SLC49A4: variants seen among roughly 807,000 people sequenced by gnomAD.
SLC49A4 encodes the protein disrupted in renal cancer protein 2.
In SLC49A4, 36 loss-of-function variants were observed where a neutral mutation model predicts 50.6. That is an observed-to-expected ratio of 0.71 (90% CI 0.55 to 0.94). SLC49A4 has a LOEUF of 0.94. Ranked by LOEUF, SLC49A4 falls within the 40% of genes least tolerant of loss-of-function variation. SLC49A4 has a pLI of 0.00. For synonymous variants in SLC49A4, 248 were observed against 241.2 expected, an observed-to-expected ratio of 1.03 and a Z score of -0.26; for missense variants, 503 against 605.7, an observed-to-expected ratio of 0.83 and a Z score of 1.78.
intron 8 of SLC49A4, among the ~76,000 whole-genome samples, chr3:122,877,965 A>G (rs936339367): frequency 6.6e-6 from 1 of 152,208 alleles, no homozygotes; most frequent in Non-Finnish European, 1.5e-5. Flanking sequence ...ATAGAATAGC[A>G]TGTCTGACTT....
intron 2 of SLC49A4, among the ~76,000 whole-genome samples, chr3:122,819,811 A>G (rs1181029992): frequency 1.3e-5 from 2 of 152,100 alleles, no homozygotes; most frequent in Admixed American, 6.5e-5. Flanking sequence ...AAAAAATCCT[A>G]TAAACACATG....
At chr3:122,827,561 T>C (rs1227397327) in intron 3 of SLC49A4, among the ~76,000 whole-genome samples, 1 of 152,248 alleles carries the variant, frequency 6.6e-6, no homozygotes, top group Non-Finnish European at 1.5e-5. Context: ...TTATCAGGGA[T>C]ACTGACCTTT....
At chr3:122,809,909 T>C (rs2107558434) in intron 2 of SLC49A4, among the ~76,000 whole-genome samples, 1 of 152,330 alleles carries the variant, frequency 6.6e-6, no homozygotes, top group South Asian at 2.1e-4. Flanking sequence ...AAGCATATCT[T>C]TTAAGCAGTG....
At chr3:122,844,001 C>T (rs1343226564) in intron 4 of SLC49A4, among the ~76,000 whole-genome samples, 2 of 152,182 alleles carry the variant, frequency 1.3e-5, no homozygotes, top group East Asian at 1.9e-4. Context: ...CAGATTGCCT[C>T]CAATTTATTG....
chr3:122,866,712 C>G (rs1053261992), intron 7 of SLC49A4, among the ~76,000 whole-genome samples: 11 of 152,120 alleles, frequency 7.2e-5, no homozygotes, highest in Non-Finnish European at 1.3e-4. Context: ...ACCATCCCCC[C>G]CTGCCCCCGA....
At position 122,872,380 on chromosome 3, in the gene SLC49A4, AGTGTGAAACTAAAATGTTT is replaced by A. The variant is rs1560242995; in HGVS notation, c.1139-30_1139-12del. On this transcript the variant is annotated splice_polypyrimidine_tract_variant and intron_variant, in intron 7 of 8. Transcript: ENST00000261038. ...CTATCTGATATGACTCACTGCCGCT[AGTGTGAAACTAAAATGTTT>A]GTGTTTTTATTTTAGTGACATTGTA... 1 of 1,544,430 alleles carries A rather than the reference AGTGTGAAACTAAAATGTTT, an allele frequency of 6.5e-7. No homozygotes were observed. The highest frequency in any genetic ancestry group is 2.3e-5 in the East Asian group (1 of 44,360).
chr3:122,837,522 A>T (rs2107570118), intron 4 of SLC49A4, among the ~76,000 whole-genome samples: 1 of 152,304 alleles, frequency 6.6e-6, no homozygotes, highest in East Asian at 1.9e-4. Flanking sequence ...AGAAAGCTGA[A>T]ACTGGATCCC....
intron 6 of SLC49A4, among the ~76,000 whole-genome samples, chr3:122,858,158 T>C (rs776035794): frequency 1.3e-5 from 2 of 152,208 alleles, no homozygotes; most frequent in African/African-American, 2.4e-5. Context: ...AAGACCACTA[T>C]TAAAGATACT....
chr3:122,843,274 A>G (rs1254788715), intron 4 of SLC49A4, among the ~76,000 whole-genome samples: 1 of 97,122 alleles, frequency 1.0e-5, no homozygotes, highest in Admixed American at 9.1e-5. Flanking sequence ...GTAGAATAGT[A>G]TAACCCCATA....
chr3:122,857,087 A>G (rs2107578511), intron 6 of SLC49A4, among the ~76,000 whole-genome samples: 1 of 152,234 alleles, frequency 6.6e-6, no homozygotes, highest in East Asian at 1.9e-4. Context: ...AGAACTTTCC[A>G]TGAACAGGCA....
At chr3:122,864,071 T>G (rs1937086824) in intron 7 of SLC49A4, among the ~76,000 whole-genome samples, 1 of 152,174 alleles carries the variant, frequency 6.6e-6, no homozygotes, top group African/African-American at 2.4e-5. Context: ...AACTAAAATT[T>G]TCTATGGCAA....
chr3:122,795,199 T>C lies in SLC49A4; in HGVS notation c.7T>C (p.Ser3Pro). ...TCGCGGGCGACGCGTCGCCATGGGC[T>C]CTCGCTGGAGCAGCGAAGAGGAGAG... The part of the protein sequence containing the change: MG[S>P]RWSSEEERQP... Residue 3 changes from serine (S) to proline (P), a missense_variant, in exon 1 of 9, where the codon TCT becomes CCT. Transcript: ENST00000261038. 7.6e-7 allele frequency: 1 copy of C among 1,324,322 alleles called. No homozygotes were observed. The highest frequency in any genetic ancestry group is 9.6e-7 in the Non-Finnish European group (1 of 1,046,846). The allele number at this position is 1,324,322 out of a possible 1,614,324, so 82.0% of individuals were successfully genotyped here.
At chr3:122,878,453 A>G (rs914299388) in intron 8 of SLC49A4, among the ~76,000 whole-genome samples, 2 of 152,198 alleles carry the variant, frequency 1.3e-5, no homozygotes, top group African/African-American at 4.8e-5. Flanking sequence ...AGCTCCAGGA[A>G]GCAGCTAGAG....
At chr3:122,825,802 T>G (rs1019814814) in intron 2 of SLC49A4, among the ~76,000 whole-genome samples, 1 of 152,098 alleles carries the variant, frequency 6.6e-6, no homozygotes, top group Non-Finnish European at 1.5e-5. Flanking sequence ...TATGCTTTCT[T>G]TGGACTTCTG....
chr3:122,806,835 C>G, intron 1 of SLC49A4, 22 bp from the exon 2 acceptor site: 1 of 1,444,828 alleles, frequency 6.9e-7, no homozygotes, highest in Non-Finnish European at 9.7e-7. Context: ...AAGATAATTT[C>G]AATGTCTTTG....
At chr3:122,863,504 C>T (rs950463196) in intron 7 of SLC49A4, among the ~76,000 whole-genome samples, 6 of 152,108 alleles carry the variant, frequency 3.9e-5, no homozygotes, top group South Asian at 2.1e-4. Context: ...AAATGGAACA[C>T]GAGAATTTGA....
At chr3:122,822,099 A>C (rs906398410) in intron 2 of SLC49A4, among the ~76,000 whole-genome samples, 1 of 152,162 alleles carries the variant, frequency 6.6e-6, no homozygotes, top group Non-Finnish European at 1.5e-5. Context: ...CTGACCTACA[A>C]GGACCTTAAC....
intron 2 of SLC49A4, among the ~76,000 whole-genome samples, chr3:122,826,507 G>T (rs1199801216): frequency 3.9e-5 from 6 of 152,094 alleles, no homozygotes; most frequent in Non-Finnish European, 8.8e-5. Flanking sequence ...AATGAAGCAA[G>T]GTTCTAAGTA....
chr3:122,818,801 G>A (rs568306774), intron 2 of SLC49A4, among the ~76,000 whole-genome samples: 8 of 152,020 alleles, frequency 5.3e-5, no homozygotes, highest in East Asian at 3.9e-4. Context: ...AAAATTAGCC[G>A]GGCGTGGTGG....
Sources: allele counts gnomAD v4.1 joint callset (sites outside exome capture counted in the v4.1 genomes callset), GRCh38; gene constraint gnomAD v4.1.1; transcripts MANE v1.5; gene names NCBI Gene and HGNC (gene_info 2026-07-23, HGNC 2026-07-21).